Variants in CNTNAP5 observed in about 807,000 individuals in gnomAD.
The protein encoded by CNTNAP5 is contactin-associated protein-like 5.
Under a neutral mutation model 150.2 loss-of-function variants are expected in CNTNAP5, and 72 were observed. The observed-to-expected ratio is 0.48, with a 90% CI of 0.40 to 0.58. The LOEUF (loss-of-function observed/expected upper bound fraction) is 0.58. Among genes scored for constraint, CNTNAP5 ranks in the 20% least tolerant of loss-of-function variants. The pLI, the probability that CNTNAP5 is intolerant of heterozygous loss-of-function variation, is 0.00. For synonymous variants in CNTNAP5, 672 were observed against 619.8 expected (o/e 1.08, Z -1.25); for missense variants, 1,636 against 1,626.2 (o/e 1.01, Z -0.10).
intron 3 of CNTNAP5, among the ~76,000 whole-genome samples, chr2:124,274,758 C>T (rs1687845996): frequency 6.6e-6 from 1 of 152,106 alleles, no homozygotes; most frequent in Non-Finnish European, 1.5e-5. Context: ...CTAAAGGCCA[C>T]TAGGGATTGT....
chr2:124,030,854 G>A (rs1681028068), intron 1 of CNTNAP5, among the ~76,000 whole-genome samples: 2 of 152,112 alleles, frequency 1.3e-5, no homozygotes, highest in South Asian at 4.1e-4. Flanking sequence ...ACAGTACCAT[G>A]AAAGGCACAT....
chr2:124,415,633 A>G (rs1306662839), intron 3 of CNTNAP5, among the ~76,000 whole-genome samples: 3 of 152,178 alleles, frequency 2.0e-5, no homozygotes, highest in Admixed American at 6.5e-5. Flanking sequence ...TTTATCTATG[A>G]ATATTAGAAG....
chr2:124,865,215 C>A, intron 19 of CNTNAP5, 91 bp from the exon 20 acceptor site: 1 of 974,602 alleles, frequency 1.0e-6, no homozygotes. Context: ...AGACCTGGGG[C>A]CCTAATAATC....
chr2:124,667,755 C>A (rs1201978244), intron 13 of CNTNAP5, among the ~76,000 whole-genome samples: 1 of 152,126 alleles, frequency 6.6e-6, no homozygotes, highest in Non-Finnish European at 1.5e-5. Context: ...CTTATTTTTT[C>A]TTCCTGCACC....
Position 124,394,993 on chromosome 2 carries a change from T to C in CNTNAP5, c.382-22450T>C, listed in dbSNP as rs138319416. Among the ~76,000 whole-genome samples the C allele has an allele frequency of 2.3e-3, 352 of 151,768 alleles. 1 individual carries two copies. The highest frequency in any genetic ancestry group is 8.2e-3 in the African/African-American group (341 of 41,470). On this transcript the variant is annotated intron_variant, in intron 3 of 23. Coordinates refer to ENST00000682447, the MANE Select transcript of CNTNAP5 (RefSeq NM_001367498.1). ...TCTCTTGATCTTATCCTATGACAAATGCTGGGGTAAAATAGTCTTCCAACA... is the reference window on the plus strand; with the variant it reads ...TCTCTTGATCTTATCCTATGACAAACGCTGGGGTAAAATAGTCTTCCAACA...
intron 23 of CNTNAP5, among the ~76,000 whole-genome samples, chr2:124,913,149 C>T (rs1274437514): frequency 1.3e-5 from 2 of 152,006 alleles, no homozygotes; most frequent in Non-Finnish European, 2.9e-5. Flanking sequence ...CTGAAATAGA[C>T]ACTTTTCCTC....
At position 124,798,287 on chromosome 2, in the gene CNTNAP5, C is replaced by G. The variant is rs1467940026; in HGVS notation, c.3184C>G (p.Gln1062Glu). 2 of 1,613,710 alleles carry G rather than the reference C, an allele frequency of 1.2e-6. No homozygotes were observed. Among genetic ancestry groups the G allele is most frequent in the Non-Finnish European group, 1.7e-6 (2 of 1,179,624 alleles). The change falls in exon 19 of 24, where the codon CAG (glutamine) becomes GAG (glutamate). Residue 1062 changes from glutamine to glutamate, a missense_variant. Coordinates refer to ENST00000682447, the MANE Select transcript of CNTNAP5 (RefSeq NM_001367498.1). ...SLLLFINSSSQDFVVVLLCKN... is the reference protein window; with the variant it reads ...SLLLFINSSSEDFVVVLLCKN... The stretch of plus-strand genomic sequence containing the variant: ...TTTGCTCTTTATCAATTCTTCTTCT[C>G]AGGACTTCGTGGTTGTTCTGCTCTG...
intron 14 of CNTNAP5, 39 bp downstream of exon 14, chr2:124,747,424 G>A (rs776475495): frequency 1.3e-4 from 217 of 1,609,968 alleles, no homozygotes; most frequent in Non-Finnish European, 1.8e-4. Context: ...TGTAGAGAAA[G>A]CACATTAATT....
intron 8 of CNTNAP5, among the ~76,000 whole-genome samples, chr2:124,523,962 GT>G (rs11351266): frequency 0.27 from 38,623 of 144,276 alleles, 5,759 homozygotes; most frequent in East Asian, 0.47. Context: ...GTTTATTTTT[GT>G]TTTTTTTTTT....
chr2:124,550,507 C>T (rs1695603246), intron 10 of CNTNAP5, among the ~76,000 whole-genome samples: 1 of 152,142 alleles, frequency 6.6e-6, no homozygotes, highest in Non-Finnish European at 1.5e-5. Context: ...ATCCAGAGAG[C>T]TCTACTGTCT....
intron 19 of CNTNAP5, among the ~76,000 whole-genome samples, chr2:124,848,237 C>A (rs1683089563): frequency 6.6e-6 from 1 of 152,156 alleles, no homozygotes; most frequent in Admixed American, 6.5e-5. Context: ...ATGATTTCTA[C>A]CTTTTTGGAT....
chr2:124,537,279 G>A (rs994209687), intron 10 of CNTNAP5, among the ~76,000 whole-genome samples: 1 of 152,118 alleles, frequency 6.6e-6, no homozygotes, highest in South Asian at 2.1e-4. Context: ...GTGGGAAGGT[G>A]CCCCACATTC....
At position 124,714,478 on chromosome 2, in the gene CNTNAP5, G is replaced by A. The variant is rs143796603; in HGVS notation, c.2078-32751G>A. On this transcript the variant is annotated intron_variant, in intron 13 of 23. Coordinates refer to ENST00000682447, the MANE Select transcript of CNTNAP5 (RefSeq NM_001367498.1). ...TTTTGAGTATTGTAGTGGTTTTTAG[G>A]TGAGGTTCCATGTGTCTCATAGTGT... Among the ~76,000 whole-genome samples the A allele has an allele frequency of 1.4e-3, 220 of 152,108 alleles. 1 individual carries two copies. Among genetic ancestry groups the A allele is most frequent in the African/African-American group, 4.2e-3 (174 of 41,506 alleles).
At chr2:124,204,232 C>G (rs1685805502) in intron 1 of CNTNAP5, among the ~76,000 whole-genome samples, 1 of 152,176 alleles carries the variant, frequency 6.6e-6, no homozygotes, top group African/African-American at 2.4e-5. Context: ...CTACCAGTCT[C>G]TTCGATAAGC....
intron 13 of CNTNAP5, among the ~76,000 whole-genome samples, chr2:124,728,632 C>A (rs1680208695): frequency 6.6e-6 from 1 of 151,714 alleles, no homozygotes; most frequent in African/African-American, 2.4e-5. Context: ...ACATTATTTT[C>A]AAAAAAGCCT....
At chr2:124,473,382 C>T (rs1488546367) in intron 6 of CNTNAP5, among the ~76,000 whole-genome samples, 1 of 151,818 alleles carries the variant, frequency 6.6e-6, no homozygotes, top group Non-Finnish European at 1.5e-5. Context: ...TGTAATTAAA[C>T]TTTAAAATGA....
intron 11 of CNTNAP5, among the ~76,000 whole-genome samples, chr2:124,593,032 C>G (rs1052496671): frequency 6.6e-6 from 1 of 151,214 alleles, no homozygotes; most frequent in Non-Finnish European, 1.5e-5. Context: ...GTTAGTAATA[C>G]TTTTGCTGCT....
chr2:124,300,123 C>G (rs1008087494), intron 3 of CNTNAP5, among the ~76,000 whole-genome samples: 1 of 152,184 alleles, frequency 6.6e-6, no homozygotes, highest in Non-Finnish European at 1.5e-5. Flanking sequence ...TTAATTTCAA[C>G]TGTTTCTTAG....
intron 7 of CNTNAP5, among the ~76,000 whole-genome samples, chr2:124,477,115 G>T (rs930930938): frequency 6.6e-6 from 1 of 152,020 alleles, no homozygotes; most frequent in African/African-American, 2.4e-5. Context: ...AGAATAAATA[G>T]GGAAAACTAT....
Sources: gnomAD v4.1 joint callset for allele counts (sites outside exome capture counted in the v4.1 genomes callset) on GRCh38, gnomAD v4.1.1 for gene constraint, MANE v1.5 for transcripts, NCBI Gene and HGNC (gene_info 2026-07-23, HGNC 2026-07-21) for gene names.